The following CAST variants were observed in gnomAD, a reference collection of about 807,000 sequenced individuals.
The protein encoded by CAST is MIR583 host.
Under a neutral mutation model 119.6 loss-of-function variants are expected in CAST, and 76 were observed. The observed-to-expected ratio is 0.64, with a 90% CI of 0.53 to 0.77. The LOEUF is 0.77. Among genes scored for constraint, CAST ranks in the 30% least tolerant of loss-of-function variants. CAST has a pLI of 0.00. For missense variants in CAST, 953 were observed against 946.5 expected, an observed-to-expected ratio of 1.01 and a Z score of -0.09; for synonymous variants, 319 against 331.6, an observed-to-expected ratio of 0.96 and a Z score of 0.41.
At chr5:96,155,841 A>G in the CAST span, among the ~76,000 whole-genome samples, 3 of 152,006 alleles carry the variant, frequency 2.0e-5, no homozygotes, top group African/African-American at 7.3e-5. Flanking sequence ...GCTTCTACCC[A>G]GTGGTAATAG....
chr5:96,567,680 T>C (rs1561418931), intron 1 of CAST, among the ~76,000 whole-genome samples: 1 of 152,218 alleles, frequency 6.6e-6, no homozygotes, highest in African/African-American at 2.4e-5. Flanking sequence ...CCCGTTCTTT[T>C]CTTCTTTTCA....
chr5:96,035,035 A>G, the CAST span, among the ~76,000 whole-genome samples: 1 of 127,608 alleles, frequency 7.8e-6, no homozygotes, highest in Non-Finnish European at 1.6e-5. Flanking sequence ...TTTAAGTTGT[A>G]TTTAAGTATA....
chr5:96,328,331 G>A, the CAST span, among the ~76,000 whole-genome samples: 1 of 146,544 alleles, frequency 6.8e-6, no homozygotes, highest in South Asian at 2.2e-4. Context: ...CAGGTCAGAA[G>A]CATTAACAAT....
intron 3 of CAST, among the ~76,000 whole-genome samples, chr5:96,707,739 G>A (rs1040545289): frequency 1.5e-4 from 23 of 152,186 alleles, no homozygotes; most frequent in African/African-American, 4.6e-4. Flanking sequence ...CAAAGTTGCC[G>A]TAACAGATTA....
chr5:96,037,552 T>C, the CAST span, among the ~76,000 whole-genome samples: 2 of 152,160 alleles, frequency 1.3e-5, no homozygotes, highest in Non-Finnish European at 2.9e-5. Context: ...TGTGGATAAA[T>C]GATTCTTTCT....
At chr5:96,746,455 A>G (rs1449906791) in intron 17 of CAST, 30 bp downstream of exon 17, 2 of 1,210,410 alleles carry the variant, frequency 1.7e-6, no homozygotes, top group Middle Eastern at 1.9e-4. Flanking sequence ...GCATGACAAC[A>G]GCATCTTGCC....
chr5:96,256,229 A>C, the CAST span, among the ~76,000 whole-genome samples: 2 of 148,356 alleles, frequency 1.3e-5, no homozygotes, highest in East Asian at 3.9e-4. Context: ...TATTATATAA[A>C]CATATAATTT....
the CAST span, among the ~76,000 whole-genome samples, chr5:96,044,373 C>A: frequency 6.6e-6 from 1 of 152,194 alleles, no homozygotes; most frequent in African/African-American, 2.4e-5. Flanking sequence ...AAACTTGCCC[C>A]TTCCACCATA....
chr5:96,418,538 G>A, the CAST span, among the ~76,000 whole-genome samples: 3 of 152,090 alleles, frequency 2.0e-5, no homozygotes, highest in African/African-American at 7.2e-5. Context: ...GACTTTCAGA[G>A]TAGCATTCAA....
At chr5:96,316,195 A>C in the CAST span, among the ~76,000 whole-genome samples, 3 of 152,260 alleles carry the variant, frequency 2.0e-5, no homozygotes, top group Non-Finnish European at 4.4e-5. Flanking sequence ...TGGTGACTTA[A>C]GAAAGAAGTA....
At chr5:96,599,794 C>A (rs1018991758) in intron 1 of CAST, among the ~76,000 whole-genome samples, 1 of 152,176 alleles carries the variant, frequency 6.6e-6, no homozygotes, top group African/African-American at 2.4e-5. Flanking sequence ...TATTTTCTTT[C>A]TATTAGTAAT....
At chr5:96,762,421 AC>A in intron 25 of CAST, 49 bp downstream of exon 25, 1 of 1,363,158 alleles carries the variant, frequency 7.3e-7, no homozygotes, top group South Asian at 1.4e-5. Context: ...CGCAGCCACA[AC>A]TAGAAAGAAA....
intron 1 of CAST, chr5:96,662,990 C>T (rs1748770578): frequency 1.4e-5 from 9 of 642,050 alleles, no homozygotes; most frequent in South Asian, 1.1e-4. Context: ...CAGGGTTCTG[C>T]CCACCTGGCA....
the CAST span, among the ~76,000 whole-genome samples, chr5:96,313,339 G>T: frequency 6.6e-6 from 1 of 152,016 alleles, no homozygotes; most frequent in Admixed American, 6.6e-5. Flanking sequence ...GAGTCAATCT[G>T]CCTCCTCCAC....
the CAST span, among the ~76,000 whole-genome samples, chr5:96,113,843 G>T: frequency 1.3e-5 from 2 of 152,222 alleles, no homozygotes; most frequent in Non-Finnish European, 2.9e-5. Context: ...AGAGATGGCA[G>T]GGCTGTTAGT....
chr5:96,172,934 C>T, the CAST span, among the ~76,000 whole-genome samples: 3 of 152,206 alleles, frequency 2.0e-5, no homozygotes, highest in African/African-American at 2.4e-5. Flanking sequence ...AAGATTTCTA[C>T]CATGGCTGCC....
At chr5:96,102,184 G>A in the CAST span, among the ~76,000 whole-genome samples, 1 of 152,164 alleles carries the variant, frequency 6.6e-6, no homozygotes, top group Admixed American at 6.5e-5. Context: ...CTGAGCTCTT[G>A]TCTGGCATCC....
chr5:96,111,382 G>A, the CAST span, among the ~76,000 whole-genome samples: 5 of 152,140 alleles, frequency 3.3e-5, no homozygotes, highest in African/African-American at 4.8e-5. Flanking sequence ...CTTTGCTTAG[G>A]GGTTTTATGA....
the CAST span, among the ~76,000 whole-genome samples, chr5:96,078,075 T>G: frequency 6.6e-6 from 1 of 152,234 alleles, no homozygotes; most frequent in Non-Finnish European, 1.5e-5. Flanking sequence ...GAAATTATCC[T>G]GCTTCTTGCT....
Sources: allele counts gnomAD v4.1 joint callset (sites outside exome capture counted in the v4.1 genomes callset), GRCh38; gene constraint gnomAD v4.1.1; transcripts MANE v1.5; gene names NCBI Gene and HGNC (gene_info 2026-07-23, HGNC 2026-07-21).